The following PCDHA12 variants were observed in gnomAD, a reference collection of about 807,000 sequenced individuals.
The protein encoded by PCDHA12 is protocadherin alpha 12.
A neutral mutation model predicts 60.0 loss-of-function variants in PCDHA12; 44 were observed. That is an observed-to-expected ratio of 0.73 (90% CI 0.58 to 0.94). PCDHA12 has a LOEUF of 0.94. PCDHA12 is among the 40% of genes least tolerant of loss of function. The pLI, the probability that PCDHA12 is intolerant of heterozygous loss-of-function variation, is 0.00. For synonymous variants in PCDHA12, 569 were observed against 553.0 expected, an observed-to-expected ratio of 1.03 and a Z score of -0.40; for missense variants, 1,276 against 1,239.7, an observed-to-expected ratio of 1.03 and a Z score of -0.44.
At chr5:140,921,961 C>T (rs528457864) in intron 1 of PCDHA12, among the ~76,000 whole-genome samples, 88 of 151,252 alleles carry the variant, frequency 5.8e-4, no homozygotes, top group Non-Finnish European at 9.1e-4. Context: ...TCCCAGAAAA[C>T]CAAAGGAAAA....
intron 1 of PCDHA12, among the ~76,000 whole-genome samples, chr5:140,898,000 T>G (rs1420296585): frequency 6.6e-5 from 10 of 152,348 alleles, no homozygotes; most frequent in African/African-American, 2.4e-4. Flanking sequence ...TTGAGAAGTG[T>G]CTGTTCATAT....
rs2056506979 is a variant in PCDHA12 at position 140,876,689 on chromosome 5, C to A, written c.1217C>A (p.Ser406Ter). ...KLVSTYKNYY[S>*]LVLDSALDRE... ...GTGTCCACCTACAAGAATTACTACTCGTTGGTGCTGGACAGCGCCCTGGAC... is the reference window on the plus strand; with the variant it reads ...GTGTCCACCTACAAGAATTACTACTAGTTGGTGCTGGACAGCGCCCTGGAC... Residue 406 changes from serine (S) to a stop codon, truncating the protein, a stop_gained, in exon 1 of 4, where the codon TCG becomes TAG. Coordinates refer to ENST00000398631, the MANE Select transcript of PCDHA12 (RefSeq NM_018903.4). LOFTEE classifies it high-confidence loss of function. 1.2e-6 allele frequency: 2 copies of A among 1,614,228 alleles called. No individual in the cohort carries two copies. The highest frequency in any genetic ancestry group is 1.7e-6 in the Non-Finnish European group (2 of 1,180,038).
At chr5:140,956,788 G>T (rs2095310590) in intron 1 of PCDHA12, among the ~76,000 whole-genome samples, 1 of 152,094 alleles carries the variant, frequency 6.6e-6, no homozygotes, top group African/African-American at 2.4e-5. Flanking sequence ...GGCTTTGTTT[G>T]CTTGGTGGGC....
chr5:140,992,017 C>CTGTGTGTGTGTG (rs10602499), intron 3 of PCDHA12, among the ~76,000 whole-genome samples: 10 of 145,628 alleles, frequency 6.9e-5, no homozygotes, highest in African/African-American at 2.3e-4. Flanking sequence ...AGAGGTGGCT[C>CTGTGTGTGTGTG]TGTGTGTGTG....
At chr5:140,966,751 G>A (rs1554228608) in intron 1 of PCDHA12, 1 of 1,429,674 alleles carries the variant, frequency 7.0e-7, no homozygotes, top group Admixed American at 2.7e-5. Flanking sequence ...GGCTGCCTCC[G>A]CCGCGGCCAG....
chr5:140,928,293 G>GT (rs2085123670), intron 1 of PCDHA12: 1 of 1,614,032 alleles, frequency 6.2e-7, no homozygotes, highest in South Asian at 1.1e-5. Context: ...TAGGCCGAGT[G>GT]TTTGCCCAGG....
At chr5:140,927,360 T>G in intron 1 of PCDHA12, 1 of 1,613,972 alleles carries the variant, frequency 6.2e-7, no homozygotes, top group Non-Finnish European at 8.5e-7. Flanking sequence ...AGGGAAGCAA[T>G]GGGATACTAA....
At chr5:140,926,654 C>G (rs2083445492) in intron 1 of PCDHA12, 1 of 514,022 alleles carries the variant, frequency 1.9e-6, no homozygotes, top group Non-Finnish European at 3.1e-6. Flanking sequence ...GCCGGCTCCG[C>G]TTTCCCAGAC....
At chr5:141,000,381 CTCTCTCTCTCTCTCTA>C (rs1443323474) in intron 3 of PCDHA12, among the ~76,000 whole-genome samples, 1 of 61,380 alleles carries the variant, frequency 1.6e-5, no homozygotes, top group African/African-American at 7.4e-5. Flanking sequence ...CTCTCTCTCT[CTCTCTCTCTCTCTCTA>C]TATATATATA....
intron 3 of PCDHA12, among the ~76,000 whole-genome samples, chr5:140,988,674 T>C (rs1221039125): frequency 1.3e-5 from 2 of 152,240 alleles, no homozygotes; most frequent in Non-Finnish European, 2.9e-5. Context: ...GACTCTAAGA[T>C]AATTCTTTCC....
chr5:140,882,651 A>T, intron 1 of PCDHA12: 1 of 1,614,206 alleles, frequency 6.2e-7, no homozygotes, highest in Non-Finnish European at 8.5e-7. Context: ...GACATTAACG[A>T]CAACCCGCCC....
chr5:140,885,925 T>A lies in PCDHA12; in HGVS notation c.2367+8086T>A, dbSNP rs1431219397. The stretch of plus-strand genomic sequence containing the variant: ...CTGTACCTTATAGATATTAACTGTT[T>A]ATCTATTTTTTGACATTTTTAATTA... On this transcript the variant is annotated intron_variant, in intron 1 of 3. Coordinates refer to ENST00000398631, the MANE Select transcript of PCDHA12 (RefSeq NM_018903.4). 2.0e-5 allele frequency among the ~76,000 whole-genome samples: 3 copies of A among 151,896 alleles called. No homozygotes were observed. In the East Asian group the frequency reaches 5.8e-4, roughly 29 times the overall value.
chr5:140,944,992 C>T (rs561484046), intron 1 of PCDHA12, among the ~76,000 whole-genome samples: 11 of 152,114 alleles, frequency 7.2e-5, no homozygotes, highest in South Asian at 2.1e-4. Flanking sequence ...ACTTCTGTAA[C>T]GGTTGTGGGT....
intron 3 of PCDHA12, among the ~76,000 whole-genome samples, chr5:140,989,698 A>G (rs145222021): frequency 6.6e-6 from 1 of 152,344 alleles, no homozygotes; most frequent in African/African-American, 2.4e-5. Flanking sequence ...TGAAAATTTT[A>G]TCTTCAGAGG....
At chr5:140,957,398 T>A (rs1162675184) in intron 1 of PCDHA12, among the ~76,000 whole-genome samples, 1 of 152,186 alleles carries the variant, frequency 6.6e-6, no homozygotes, top group Non-Finnish European at 1.5e-5. Flanking sequence ...ATTGTCCTAA[T>A]TTATTATTAT....
Position 140,876,861 on chromosome 5 carries a change from C to T in PCDHA12, c.1389C>T (p.Phe463=), listed in dbSNP as rs2056651575. 3.7e-6 allele frequency: 6 copies of T among 1,613,970 alleles called. No homozygotes were observed. The highest frequency in any genetic ancestry group is 1.3e-5 in the African/African-American group (1 of 74,902). ...TCGCGCAGCCCGAGTACACAGTGTTCGTGAAGGAGAACAACCCGCCGGGCT... is the reference window on the plus strand; with the variant it reads ...TCGCGCAGCCCGAGTACACAGTGTTTGTGAAGGAGAACAACCCGCCGGGCT... ...PAFAQPEYTV[F]VKENNPPGCH... is the part of the protein sequence containing the mutation. The change falls in exon 1 of 4, where the codon TTC becomes TTT. Residue 463 remains phenylalanine, a synonymous_variant. Coordinates refer to ENST00000398631, the MANE Select transcript of PCDHA12 (RefSeq NM_018903.4).
At chr5:140,995,546 C>T (rs2097688546) in intron 3 of PCDHA12, among the ~76,000 whole-genome samples, 1 of 152,184 alleles carries the variant, frequency 6.6e-6, no homozygotes, top group African/African-American at 2.4e-5. Context: ...AAGGGGCGAT[C>T]ACTGTACTGA....
At chr5:140,882,009 A>C in intron 1 of PCDHA12, 1 of 522,488 alleles carries the variant, frequency 1.9e-6, no homozygotes, top group East Asian at 3.2e-5. Context: ...AGGGGCAAAA[A>C]AATACTACAT....
intron 1 of PCDHA12, among the ~76,000 whole-genome samples, chr5:140,913,163 T>C (rs1248646454): frequency 1.3e-5 from 2 of 152,198 alleles, no homozygotes; most frequent in African/African-American, 4.8e-5. Context: ...AGGATTGGTA[T>C]TAGTTCTTCT....
Sources: gnomAD v4.1 joint callset for allele counts (sites outside exome capture counted in the v4.1 genomes callset) on GRCh38, gnomAD v4.1.1 for gene constraint, MANE v1.5 for transcripts, NCBI Gene and HGNC (gene_info 2026-07-23, HGNC 2026-07-21) for gene names.